COL25A1: variants seen among roughly 807,000 people sequenced by gnomAD.
The protein encoded by COL25A1 is collagen alpha-1(XXV) chain.
In COL25A1, 103 loss-of-function variants were observed where a neutral mutation model predicts 128.4. The ratio of observed to expected loss-of-function variants is 0.80; its 90% CI spans 0.68 to 0.94. The LOEUF (loss-of-function observed/expected upper bound fraction) is 0.94, where lower values mean the gene tolerates loss of function less well. COL25A1 is among the 40% of genes least tolerant of loss of function. COL25A1 has a pLI of 0.00. For missense variants in COL25A1, 745 were observed against 840.0 expected (o/e 0.89, Z 1.40); for synonymous variants, 279 against 277.2 (o/e 1.01, Z -0.06).
chr4:109,127,463 T>A (rs1768730905), intron 3 of COL25A1, among the ~76,000 whole-genome samples: 1 of 152,158 alleles, frequency 6.6e-6, no homozygotes, highest in Non-Finnish European at 1.5e-5. Context: ...TAGTTGGGTG[T>A]CCTCAGACAA....
chr4:108,865,608 A>T (rs953439050), intron 20 of COL25A1, among the ~76,000 whole-genome samples: 2 of 152,218 alleles, frequency 1.3e-5, no homozygotes, highest in African/African-American at 4.8e-5. Flanking sequence ...AAAAATTATT[A>T]AAAAACTGTA....
At chr4:108,853,036 T>A (rs1261421783) in intron 24 of COL25A1, 111 bp from the exon 25 acceptor site, 1 of 883,632 alleles carries the variant, frequency 1.1e-6, no homozygotes, top group East Asian at 2.5e-5. Context: ...TAGTCTGATA[T>A]CTTAAAAGGA....
intron 3 of COL25A1, among the ~76,000 whole-genome samples, chr4:109,134,545 A>G (rs929259340): frequency 1.1e-4 from 16 of 152,144 alleles, no homozygotes; most frequent in African/African-American, 3.4e-4. Context: ...AGTCACTAAC[A>G]TTGTAACCCA....
At chr4:109,178,704 G>T (rs753409082) in intron 3 of COL25A1, among the ~76,000 whole-genome samples, 1 of 151,652 alleles carries the variant, frequency 6.6e-6, no homozygotes, top group Non-Finnish European at 1.5e-5. Context: ...GTGTGGTGGC[G>T]GGCGCCTGTA....
At chr4:108,831,710 G>C (rs1375536376) in intron 32 of COL25A1, among the ~76,000 whole-genome samples, 1 of 151,982 alleles carries the variant, frequency 6.6e-6, no homozygotes, top group Admixed American at 6.6e-5. Context: ...GAGAGAGAGA[G>C]AGAGAGCGCA....
intron 3 of COL25A1, among the ~76,000 whole-genome samples, chr4:109,160,679 T>G (rs937820429): frequency 6.6e-6 from 1 of 152,138 alleles, no homozygotes; most frequent in African/African-American, 2.4e-5. Context: ...AAACAGTCAG[T>G]GAGCCTGAGG....
At chr4:109,273,945 G>A (rs1260051805) in intron 3 of COL25A1, among the ~76,000 whole-genome samples, 1 of 152,140 alleles carries the variant, frequency 6.6e-6, no homozygotes, top group Non-Finnish European at 1.5e-5. Flanking sequence ...AGTTGTTACT[G>A]CCCTTTCATA....
chr4:109,276,151 C>T (rs566366336), intron 3 of COL25A1, among the ~76,000 whole-genome samples: 2 of 152,304 alleles, frequency 1.3e-5, no homozygotes, highest in South Asian at 4.1e-4. Context: ...TGGCTTATGC[C>T]TATAATCCCA....
At chr4:109,019,088 A>T (rs1382695707) in intron 5 of COL25A1, among the ~76,000 whole-genome samples, 1 of 152,110 alleles carries the variant, frequency 6.6e-6, no homozygotes, top group Non-Finnish European at 1.5e-5. Flanking sequence ...GGGCTGGGGA[A>T]GGCAGATCCA....
chr4:109,283,188 A>G (rs1723546597), intron 3 of COL25A1, among the ~76,000 whole-genome samples: 3 of 152,172 alleles, frequency 2.0e-5, no homozygotes, highest in Admixed American at 2.0e-4. Context: ...ATCCCTGTGT[A>G]TTTGAGTTAG....
chr4:109,078,346 G>T (rs1291798810), intron 3 of COL25A1, among the ~76,000 whole-genome samples: 1 of 152,102 alleles, frequency 6.6e-6, no homozygotes, highest in South Asian at 2.1e-4. Flanking sequence ...TTAACCATGT[G>T]AATTTCAGCA....
intron 3 of COL25A1, among the ~76,000 whole-genome samples, chr4:109,150,101 G>A (rs369337249): frequency 7.9e-5 from 12 of 151,882 alleles, no homozygotes; most frequent in African/African-American, 2.4e-4. Context: ...ATGTGTGTGT[G>A]TGTGAACATG....
chr4:108,987,528 C>T (rs953007792), intron 6 of COL25A1, among the ~76,000 whole-genome samples: 20 of 152,170 alleles, frequency 1.3e-4, no homozygotes, highest in African/African-American at 4.8e-4. Context: ...ATGCCCACCA[C>T]CATGCCTGGC....
intron 3 of COL25A1, among the ~76,000 whole-genome samples, chr4:109,244,480 T>C (rs1245915797): frequency 1.3e-5 from 2 of 152,164 alleles, no homozygotes. Flanking sequence ...CTTTGCAAAG[T>C]GAATAAAAAG....
At chr4:109,145,111 C>T (rs1282762467) in intron 3 of COL25A1, among the ~76,000 whole-genome samples, 2 of 147,008 alleles carry the variant, frequency 1.4e-5, no homozygotes, top group Non-Finnish European at 3.0e-5. Flanking sequence ...CTCTGTTGCC[C>T]AGGCTGGAGT....
At chr4:109,182,635 G>C (rs76645503) in intron 3 of COL25A1, among the ~76,000 whole-genome samples, 52 of 152,166 alleles carry the variant, frequency 3.4e-4, no homozygotes, top group Middle Eastern at 6.8e-3. Context: ...GCCCAGGTAA[G>C]AGCTGAAAAC....
intron 31 of COL25A1, among the ~76,000 whole-genome samples, chr4:108,833,539 T>C (rs1487542423): frequency 6.6e-6 from 1 of 152,238 alleles, no homozygotes; most frequent in Non-Finnish European, 1.5e-5. Flanking sequence ...GTATACTTGC[T>C]CATTTCCAGT....
chr4:109,196,604 T>A (rs1776067456), intron 3 of COL25A1, among the ~76,000 whole-genome samples: 1 of 152,314 alleles, frequency 6.6e-6, no homozygotes, highest in African/African-American at 2.4e-5. Flanking sequence ...AAGGTTTTAT[T>A]TTTCATTTGT....
chr4:109,286,409 A>G (rs1469303400), intron 3 of COL25A1, among the ~76,000 whole-genome samples: 1 of 152,204 alleles, frequency 6.6e-6, no homozygotes, highest in Non-Finnish European at 1.5e-5. Flanking sequence ...TAAAATTCTT[A>G]GGCCCCAGCA....
Sources: allele counts gnomAD v4.1 joint callset (sites outside exome capture counted in the v4.1 genomes callset), GRCh38; gene constraint gnomAD v4.1.1; transcripts MANE v1.5; gene names NCBI Gene and HGNC (gene_info 2026-07-23, HGNC 2026-07-21).